The following EYS variants were observed in gnomAD, a reference collection of about 807,000 sequenced individuals.
The protein encoded by EYS is EGF-like photoreceptor maintenance factor, also known as protein eyes shut homolog.
Under a neutral mutation model 282.1 loss-of-function variants are expected in EYS, and 250 were observed. The ratio of observed to expected loss-of-function variants is 0.89; its 90% CI spans 0.80 to 0.98. EYS has a LOEUF of 0.98. Ranked by LOEUF, EYS falls within the 50% of genes least tolerant of loss-of-function variation. The pLI is 0.00. For synonymous variants in EYS, 1,355 were observed against 1,282.9 expected (o/e 1.06, Z -1.20); for missense variants, 4,016 against 3,709.0 (o/e 1.08, Z -2.15).
intron 7 of EYS, among the ~76,000 whole-genome samples, chr6:65,402,267 G>A (rs1766537595): frequency 6.6e-6 from 1 of 151,408 alleles, no homozygotes; most frequent in South Asian, 2.1e-4. Flanking sequence ...TTATGCTTGA[G>A]AATTTCTCAA....
At chr6:65,452,408 A>G (rs1238974904) in intron 5 of EYS, among the ~76,000 whole-genome samples, 1 of 151,938 alleles carries the variant, frequency 6.6e-6, no homozygotes, top group Non-Finnish European at 1.5e-5. Flanking sequence ...TGCTTAAAAT[A>G]ATTAAGTTTT....
At chr6:63,893,867 AT>A (rs1223859035) in intron 35 of EYS, among the ~76,000 whole-genome samples, 3 of 152,160 alleles carry the variant, frequency 2.0e-5, no homozygotes, top group African/African-American at 7.2e-5. Context: ...GATCAATCCT[AT>A]TTGAAATTTG....
chr6:64,801,616 T>C (rs576835891), intron 22 of EYS, among the ~76,000 whole-genome samples: 1 of 152,344 alleles, frequency 6.6e-6, no homozygotes, highest in Non-Finnish European at 1.5e-5. Flanking sequence ...TTAGCCATTA[T>C]GTGTTTTTGA....
At chr6:64,480,559 A>G (rs1433305807) in intron 26 of EYS, among the ~76,000 whole-genome samples, 5 of 151,894 alleles carry the variant, frequency 3.3e-5, no homozygotes, top group African/African-American at 1.2e-4. Context: ...CTAAGGGGTG[A>G]CAAAACATAA....
chr6:63,735,804 A>G (rs1247058965), intron 41 of EYS, among the ~76,000 whole-genome samples: 1 of 151,926 alleles, frequency 6.6e-6, no homozygotes, highest in East Asian at 1.9e-4. Flanking sequence ...ATGTCTCTTC[A>G]TATTTCTTCA....
intron 35 of EYS, among the ~76,000 whole-genome samples, chr6:63,897,514 C>G (rs1338691321): frequency 1.3e-5 from 2 of 151,998 alleles, no homozygotes; most frequent in African/African-American, 4.8e-5. Flanking sequence ...TGCTGGCAGC[C>G]ACCAGAAACT....
At chr6:63,768,983 T>C (rs1428029521) in intron 40 of EYS, among the ~76,000 whole-genome samples, 1 of 152,016 alleles carries the variant, frequency 6.6e-6, no homozygotes, top group Admixed American at 6.6e-5. Flanking sequence ...GAAAACCAAA[T>C]ACTGCATATT....
intron 28 of EYS, among the ~76,000 whole-genome samples, chr6:64,415,178 T>A (rs1398772745): frequency 6.6e-6 from 1 of 152,190 alleles, no homozygotes; most frequent in Non-Finnish European, 1.5e-5. Context: ...AAATGGATTG[T>A]AGCACCTTTA....
chr6:65,620,423 T>C (rs1194899909), intron 2 of EYS, among the ~76,000 whole-genome samples: 2 of 152,042 alleles, frequency 1.3e-5, no homozygotes, highest in Non-Finnish European at 1.5e-5. Context: ...TTTTTTATTG[T>C]GTCTATTTGA....
intron 12 of EYS, among the ~76,000 whole-genome samples, chr6:65,150,862 C>T (rs1308060134): frequency 6.6e-6 from 1 of 151,836 alleles, no homozygotes. Context: ...TATCTATTTG[C>T]TCCCTTGGGT....
chr6:63,967,145 A>G (rs975632005), intron 35 of EYS, among the ~76,000 whole-genome samples: 1 of 152,194 alleles, frequency 6.6e-6, no homozygotes, highest in Non-Finnish European at 1.5e-5. Context: ...TCTGATAACC[A>G]AGATGTCTAC....
intron 34 of EYS, among the ~76,000 whole-genome samples, chr6:63,985,984 A>C (rs1290665645): frequency 6.6e-6 from 1 of 151,916 alleles, no homozygotes; most frequent in Non-Finnish European, 1.5e-5. Context: ...CAGAGTAAAT[A>C]GACAATCTAA....
intron 2 of EYS, among the ~76,000 whole-genome samples, chr6:65,617,083 T>C (rs564223236): frequency 1.4e-4 from 21 of 152,330 alleles, no homozygotes; most frequent in African/African-American, 4.6e-4. Flanking sequence ...TTTTATACTT[T>C]CTTTGATCTT....
chr6:64,107,073 A>T (rs1773040350), intron 31 of EYS, among the ~76,000 whole-genome samples: 1 of 150,652 alleles, frequency 6.6e-6, no homozygotes, highest in Non-Finnish European at 1.5e-5. Context: ...CTGTTCTTGC[A>T]AATTGTCGAC....
chr6:65,201,827 G>A (rs1422741611), intron 12 of EYS, among the ~76,000 whole-genome samples: 1 of 152,094 alleles, frequency 6.6e-6, no homozygotes, highest in African/African-American at 2.4e-5. Context: ...GTGTGTGTGT[G>A]TGTGGTTGTG....
At chr6:65,620,789 T>G (rs1053287674) in intron 2 of EYS, among the ~76,000 whole-genome samples, 99 of 152,198 alleles carry the variant, frequency 6.5e-4, no homozygotes, top group Non-Finnish European at 1.2e-3. Context: ...CATCTTTATT[T>G]CTGCCTTCAT....
At chr6:64,524,594 T>A (rs1346637907) in intron 26 of EYS, among the ~76,000 whole-genome samples, 2 of 151,820 alleles carry the variant, frequency 1.3e-5, no homozygotes, top group Non-Finnish European at 2.9e-5. Flanking sequence ...TCTTCTAGGG[T>A]TTTTATAGTT....
intron 31 of EYS, among the ~76,000 whole-genome samples, chr6:64,191,837 T>C (rs950538240): frequency 4.0e-5 from 6 of 151,388 alleles, no homozygotes; most frequent in Non-Finnish European, 7.4e-5. Context: ...CCTTTGGGTA[T>C]ATACCCAGTA....
intron 7 of EYS, among the ~76,000 whole-genome samples, chr6:65,400,146 C>T (rs762504814): frequency 2.0e-5 from 3 of 151,952 alleles, no homozygotes; most frequent in South Asian, 2.1e-4. Flanking sequence ...CTTTTGTAGA[C>T]GGAAAGCAGT....
Sources: allele counts gnomAD v4.1 joint callset (sites outside exome capture counted in the v4.1 genomes callset), GRCh38; gene constraint gnomAD v4.1.1; transcripts MANE v1.5; gene names NCBI Gene and HGNC (gene_info 2026-07-23, HGNC 2026-07-21).